LAMB3: variants seen among roughly 807,000 people sequenced by gnomAD.
LAMB3 encodes the protein laminin subunit beta 3.
LAMB3 carries 104 observed loss-of-function variants against 140.3 expected under a neutral mutation model. The observed-to-expected ratio is 0.74, with a 90% CI of 0.63 to 0.87. The LOEUF is 0.87. Among genes scored for constraint, LAMB3 ranks in the 40% least tolerant of loss-of-function variants. The pLI, the probability that LAMB3 is intolerant of heterozygous loss-of-function variation, is 0.00. For synonymous variants in LAMB3, 592 were observed against 602.9 expected (o/e 0.98, Z 0.26); for missense variants, 1,531 against 1,575.2 (o/e 0.97, Z 0.47).
At chr1:209,630,403 C>T (rs1666635414) in intron 9 of LAMB3, among the ~76,000 whole-genome samples, 1 of 152,212 alleles carries the variant, frequency 6.6e-6, no homozygotes. Context: ...CCAGAAGAAG[C>T]AGGCTCTAGC....
rs1419165692 is a variant in LAMB3 at position 209,634,612 on chromosome 1, A to G, written c.399T>C (p.Ile133=). ...FQGPMPAGML[I]ERSSDFGKTW... ...TCTTACCGAAGTCTGAGGAGCGCTC[A>G]ATCAGCATGCCGGCGGGCATGGGCC... The change falls in exon 6 of 23, where the codon ATT becomes ATC. Residue 133 remains isoleucine, a synonymous_variant. Transcript: ENST00000356082. 1 of 1,613,956 alleles carries G rather than the reference A, an allele frequency of 6.2e-7. No individual in the cohort carries two copies. Among genetic ancestry groups the G allele is most frequent in the South Asian group, 1.1e-5 (1 of 91,054 alleles).
intron 18 of LAMB3, among the ~76,000 whole-genome samples, chr1:209,621,761 C>A (rs1381260335): frequency 6.6e-6 from 1 of 152,150 alleles, no homozygotes; most frequent in Non-Finnish European, 1.5e-5. Context: ...CATTGTACAG[C>A]CCTTCCTCAC....
At chr1:209,648,276 T>C (rs1449665070) in intron 3 of LAMB3, among the ~76,000 whole-genome samples, 1 of 152,158 alleles carries the variant, frequency 6.6e-6, no homozygotes, top group Non-Finnish European at 1.5e-5. Flanking sequence ...TAATACTCAC[T>C]TACAGAAAAG....
rs1249199363 is a variant in LAMB3 at position 209,650,974 on chromosome 1, G to A, written c.-30C>T. ...AGCCAATGGGGTGATCCCCAGAAAG[G>A]ACCTTTCCTAGGACACAGCAAAGCA... On this transcript the variant is annotated 5_prime_UTR_variant, in exon 2 of 23. Transcript: ENST00000356082. 1 of 1,613,372 alleles carries A rather than the reference G, an allele frequency of 6.2e-7. No individual in the cohort carries two copies. Among genetic ancestry groups the A allele is most frequent in the East Asian group, 2.2e-5 (1 of 44,898 alleles).
chr1:209,624,156 T>C (rs1216973703), intron 14 of LAMB3, among the ~76,000 whole-genome samples, 156 bp from the exon 15 acceptor site: 1 of 152,190 alleles, frequency 6.6e-6, no homozygotes, highest in Non-Finnish European at 1.5e-5. Context: ...GGGGTTCCGC[T>C]GGACAGAGGC....
chr1:209,620,532 G>A (rs181710832), intron 18 of LAMB3, among the ~76,000 whole-genome samples: 5 of 152,300 alleles, frequency 3.3e-5, no homozygotes, highest in South Asian at 2.1e-4. Flanking sequence ...ATGCACACTC[G>A]CATGTGTGTA....
At chr1:209,641,010 G>C (rs952068820) in intron 3 of LAMB3, among the ~76,000 whole-genome samples, 4 of 150,912 alleles carry the variant, frequency 2.7e-5, no homozygotes, top group African/African-American at 9.8e-5. Flanking sequence ...ATGACCCATG[G>C]AGGCAGAGCT....
At chr1:209,649,336 C>T (rs941568537) in intron 3 of LAMB3, among the ~76,000 whole-genome samples, 1 of 152,150 alleles carries the variant, frequency 6.6e-6, no homozygotes, top group African/African-American at 2.4e-5. Context: ...AAGATTCCCC[C>T]CTGTTGAGGG....
Position 209,649,957 on chromosome 1 carries a change from G to A in LAMB3, c.183+7C>T, listed in dbSNP as rs781143670. ...GCCTTCCTCCAGTCCTGGGAAGTAG[G>A]GCCTACCTCGCCATACTGGGTGCAG... On this transcript the variant is annotated splice_region_variant and intron_variant, in intron 3 of 22. Transcript: ENST00000356082. 2 of 1,614,138 alleles carry A rather than the reference G, an allele frequency of 1.2e-6. No individual in the cohort carries two copies. Among genetic ancestry groups the A allele is most frequent in the East Asian group, 2.2e-5 (1 of 44,878 alleles).
At position 209,629,939 on chromosome 1, in the gene LAMB3, G is replaced by C. The variant is rs1367056167; in HGVS notation, c.944-14C>G. 1.2e-6 allele frequency: 2 copies of C among 1,612,774 alleles called. No homozygotes were observed. Among genetic ancestry groups the C allele is most frequent in the East Asian group, 4.5e-5 (2 of 44,894 alleles). Reference sequence around the variant, plus strand: ...TGCAGTCGCACCCTGGAAAAAGAGAGTCCCAGGGCTGACATCTGACCCACA... The same window carrying C: ...TGCAGTCGCACCCTGGAAAAAGAGACTCCCAGGGCTGACATCTGACCCACA... On this transcript the variant is annotated splice_polypyrimidine_tract_variant and intron_variant, in intron 9 of 22. Transcript: ENST00000356082.
intron 3 of LAMB3, among the ~76,000 whole-genome samples, chr1:209,643,148 C>T (rs2076485921): frequency 6.6e-6 from 1 of 152,224 alleles, no homozygotes; most frequent in South Asian, 2.1e-4. Flanking sequence ...TAGTTTATGG[C>T]AGAAGCCCAC....
rs375951428 is a variant in LAMB3 at position 209,623,998 on chromosome 1, C to T, written c.1979G>A (p.Arg660Gln). The change falls in exon 15 of 23, where the codon CGA (arginine) becomes CAA (glutamine). Residue 660 changes from arginine to glutamine, a missense_variant and splice_region_variant. By Grantham distance (43) the Arg-to-Gln change is conservative (BLOSUM62 1). Coordinates refer to ENST00000356082, the MANE Select transcript of LAMB3 (RefSeq NM_000228.3). The surrounding 1 kb of genome is among the most constrained non-coding windows in gnomAD (Gnocchi z 4.2). ...QVASAILSLR[R>Q]TLQGLQLDLP... ...ATCCAGCTGCAGGCCCTGGAGAGTT[C>T]GCCTGAGAAGGGAGAGGAGCTTACA... is the stretch of plus-strand genomic sequence containing the variant. 5.7e-5 allele frequency: 92 copies of T among 1,612,612 alleles called. No homozygotes were observed. The highest frequency in any genetic ancestry group is 9.3e-5 in the African/African-American group (7 of 74,878).
intron 8 of LAMB3, 126 bp from the exon 9 acceptor site, chr1:209,630,861 G>A (rs1407867017): frequency 5.4e-6 from 6 of 1,110,480 alleles, no homozygotes; most frequent in South Asian, 1.3e-5. Flanking sequence ...ACCCTTCCAG[G>A]AAGCTTCCTC....
Position 209,621,429 on chromosome 1 carries a change from A to C in LAMB3, c.2701+1107T>G, listed in dbSNP as rs1666188160. ...CTCTGACCTGCCACCTGCACTCAGG[A>C]GGGGACTTCGGCCTATCTGGGGCAA... On this transcript the variant is annotated intron_variant, in intron 18 of 22. Transcript: ENST00000356082. Among the ~76,000 whole-genome samples, 6 of 152,192 alleles carry C rather than the reference A, an allele frequency of 3.9e-5. No homozygotes were observed. The South Asian group carries it at 1.2e-3, about 32-fold the overall frequency.
Position 209,618,597 on chromosome 1 carries a change from G to A in LAMB3, c.2764C>T (p.Pro922Ser). The A allele has an allele frequency of 6.2e-7, 1 of 1,614,204 alleles. No homozygotes were observed. The highest frequency in any genetic ancestry group is 2.2e-5 in the East Asian group (1 of 44,886). The stretch of plus-strand genomic sequence containing the variant: ...TGCAGAACAGTAGCTGAGTCTGTGG[G>A]CAGCCACAGGGCCAGCACGGCCTCG... The part of the protein sequence containing the change: ...VSEAVLALWL[P>S]TDSATVLQKM... Residue 922 changes from proline (P) to serine (S), a missense_variant, in exon 19 of 23, where the codon CCC becomes TCC. Pro to Ser is a moderately conservative substitution (Grantham distance 74). Transcript: ENST00000356082.
chr1:209,649,659 A>G (rs1191670659), intron 3 of LAMB3, among the ~76,000 whole-genome samples: 2 of 152,226 alleles, frequency 1.3e-5, no homozygotes, highest in African/African-American at 2.4e-5. Flanking sequence ...CTATTTGCCT[A>G]TTCCCAAGAC....
At chr1:209,633,911 G>C (rs1558160454) in intron 6 of LAMB3, among the ~76,000 whole-genome samples, 1 of 152,198 alleles carries the variant, frequency 6.6e-6, no homozygotes, top group African/African-American at 2.4e-5. Flanking sequence ...GAAACATTCT[G>C]AGTTTTTCTT....
intron 18 of LAMB3, among the ~76,000 whole-genome samples, chr1:209,621,958 G>A (rs1321760701): frequency 2.6e-5 from 4 of 152,214 alleles, no homozygotes; most frequent in African/African-American, 4.8e-5. Flanking sequence ...ACTGAATGAG[G>A]GTGAGTAGTG....
chr1:209,646,311 GGT>G (rs1254871286), intron 3 of LAMB3, among the ~76,000 whole-genome samples: 1 of 152,140 alleles, frequency 6.6e-6, no homozygotes, highest in Non-Finnish European at 1.5e-5. Context: ...GGACTCTCAG[GGT>G]CACACACAGC....
Sources: allele counts gnomAD v4.1 joint callset (sites outside exome capture counted in the v4.1 genomes callset), GRCh38; gene constraint gnomAD v4.1.1; non-coding constraint Gnocchi (gnomAD v3.1); transcripts MANE v1.5; gene names NCBI Gene and HGNC (gene_info 2026-07-23, HGNC 2026-07-21).